Variants in MALRD1 observed in about 807,000 individuals in gnomAD.
MALRD1 encodes MAM and LDL-receptor class A domain-containing protein 1.
MALRD1 carries 247 observed loss-of-function variants against 242.1 expected under a neutral mutation model. The observed-to-expected ratio is 1.02, with a 90% CI of 0.92 to 1.13. The LOEUF (loss-of-function observed/expected upper bound fraction) is 1.13. MALRD1 is among the 50% of genes most tolerant of loss of function. MALRD1 has a pLI of 0.00. For synonymous variants in MALRD1, 995 were observed against 866.6 expected, an observed-to-expected ratio of 1.15 and a Z score of -2.60; for missense variants, 2,989 against 2,533.1, an observed-to-expected ratio of 1.18 and a Z score of -3.86.
intron 18 of MALRD1, among the ~76,000 whole-genome samples, chr10:19,237,766 T>C (rs1172022152): frequency 1.6e-5 from 2 of 123,188 alleles, no homozygotes; most frequent in African/African-American, 3.2e-5. Flanking sequence ...CATAATTATA[T>C]ATAAAAACAT....
intron 26 of MALRD1, among the ~76,000 whole-genome samples, chr10:19,384,822 C>T (rs1846011312): frequency 6.7e-6 from 1 of 150,330 alleles, no homozygotes; most frequent in Non-Finnish European, 1.5e-5. Flanking sequence ...AGTGCCAAGA[C>T]TGGGCATTAA....
At chr10:19,267,403 G>A (rs369438054) in intron 19 of MALRD1, among the ~76,000 whole-genome samples, 49 of 152,086 alleles carry the variant, frequency 3.2e-4, no homozygotes, top group African/African-American at 1.1e-3. Flanking sequence ...TTTTTATGAT[G>A]TCCTCCCCCA....
intron 38 of MALRD1, among the ~76,000 whole-genome samples, chr10:19,719,926 TC>T (rs1244161787): frequency 6.6e-6 from 1 of 152,156 alleles, no homozygotes; most frequent in African/African-American, 2.4e-5. Flanking sequence ...TCTCTCTCTC[TC>T]TTTTTATTAG....
At position 19,573,037 on chromosome 10, in the gene MALRD1, T is replaced by C. The variant is rs780365028; in HGVS notation, c.5680+5334T>C. Among the ~76,000 whole-genome samples, 25 of 152,200 alleles carry C rather than the reference T, an allele frequency of 1.6e-4. 1 individual carries two copies. The highest frequency in any genetic ancestry group is 3.1e-4 in the Non-Finnish European group (21 of 68,030). On this transcript the variant is annotated intron_variant, in intron 33 of 39. Coordinates refer to ENST00000454679, the MANE Select transcript of MALRD1 (RefSeq NM_001142308.3). ...ACTAATACAATTGGGAACATTGAAC[T>C]CTATTTTATAGTCAAGAACTGGGTG...
At chr10:19,455,260 A>T (rs1039389845) in intron 29 of MALRD1, among the ~76,000 whole-genome samples, 1 of 152,242 alleles carries the variant, frequency 6.6e-6, no homozygotes, top group African/African-American at 2.4e-5. Context: ...AGAAAGGGTT[A>T]TCGTATCATT....
At chr10:19,156,462 G>GTTTT (rs36080909) in intron 12 of MALRD1, among the ~76,000 whole-genome samples, 2 of 126,576 alleles carry the variant, frequency 1.6e-5, no homozygotes, top group Admixed American at 7.9e-5. Context: ...GATATAGAGC[G>GTTTT]TTTTTTTTTT....
chr10:19,347,330 TAAAG>T (rs2130980885), intron 24 of MALRD1, among the ~76,000 whole-genome samples: 1 of 152,252 alleles, frequency 6.6e-6, no homozygotes, highest in East Asian at 1.9e-4. Flanking sequence ...TTCTCTAAAA[TAAAG>T]AACTGTTCTA....
At chr10:19,145,742 T>A (rs1833706719) in intron 10 of MALRD1, among the ~76,000 whole-genome samples, 1 of 152,102 alleles carries the variant, frequency 6.6e-6, no homozygotes, top group South Asian at 2.1e-4. Context: ...AGGTATTTTT[T>A]TTTTGAGAAA....
chr10:19,557,093 T>C (rs989011683), intron 32 of MALRD1, among the ~76,000 whole-genome samples: 11 of 152,164 alleles, frequency 7.2e-5, no homozygotes, highest in Admixed American at 3.3e-4. Flanking sequence ...ATAGATTCTT[T>C]AGGGAGGTTT....
intron 39 of MALRD1, among the ~76,000 whole-genome samples, chr10:19,731,477 C>T (rs1835293774): frequency 1.3e-5 from 2 of 149,736 alleles, no homozygotes; most frequent in African/African-American, 5.1e-5. Flanking sequence ...TATCTATCAC[C>T]TCACATAGTT....
intron 18 of MALRD1, among the ~76,000 whole-genome samples, chr10:19,249,897 C>T (rs2131779993): frequency 6.6e-6 from 1 of 151,664 alleles, no homozygotes; most frequent in African/African-American, 2.4e-5. Context: ...TGCTTTAGGT[C>T]TACATCAGTG....
intron 14 of MALRD1, among the ~76,000 whole-genome samples, chr10:19,177,967 T>A (rs10827019): frequency 0.3 from 45,780 of 151,864 alleles, 7,228 homozygotes; most frequent in Admixed American, 0.37. Flanking sequence ...GTCAGGGAAG[T>A]TCAGAGTGAC....
At chr10:19,404,831 A>G (rs939949791) in intron 28 of MALRD1, among the ~76,000 whole-genome samples, 1 of 152,208 alleles carries the variant, frequency 6.6e-6, no homozygotes, top group African/African-American at 2.4e-5. Flanking sequence ...GAATCATTAT[A>G]CATAACAGAG....
chr10:19,188,225 C>T (rs1835820497), intron 14 of MALRD1, among the ~76,000 whole-genome samples: 1 of 152,078 alleles, frequency 6.6e-6, no homozygotes, highest in Non-Finnish European at 1.5e-5. Context: ...TCAATGACCA[C>T]CTGTAACAAG....
At position 19,117,473 on chromosome 10, in the gene MALRD1, T is replaced by C. The variant is rs1240213820; in HGVS notation, c.695-6019T>C. On this transcript the variant is annotated intron_variant, in intron 5 of 39. Transcript: ENST00000454679. ...TTTTTTTTTTGTCTTGTGTAAATAG[T>C]GATGAATTAGAGATAATATACAACA... Among the ~76,000 whole-genome samples, 3 of 151,994 alleles carry C rather than the reference T, an allele frequency of 2.0e-5. No homozygotes were observed. In the East Asian group the frequency reaches 5.8e-4, roughly 29 times the overall value.
At chr10:19,461,342 C>G (rs1028145879) in intron 29 of MALRD1, among the ~76,000 whole-genome samples, 5 of 152,034 alleles carry the variant, frequency 3.3e-5, no homozygotes, top group African/African-American at 1.2e-4. Flanking sequence ...AGAAAGAAAC[C>G]AAGTGTGCTT....
intron 18 of MALRD1, among the ~76,000 whole-genome samples, chr10:19,255,735 A>C (rs1465740432): frequency 6.6e-6 from 1 of 152,058 alleles, no homozygotes; most frequent in Non-Finnish European, 1.5e-5. Flanking sequence ...TATTAGAGCA[A>C]ACCCAACTGT....
intron 36 of MALRD1, among the ~76,000 whole-genome samples, chr10:19,656,920 G>A (rs1026060049): frequency 1.3e-5 from 2 of 152,038 alleles, no homozygotes; most frequent in South Asian, 2.1e-4. Flanking sequence ...GCTATCTATC[G>A]ATCTGGTTTG....
intron 13 of MALRD1, 84 bp from the exon 14 acceptor site, chr10:19,175,124 G>T: frequency 1.0e-6 from 1 of 978,398 alleles, no homozygotes; most frequent in Non-Finnish European, 1.3e-6. Flanking sequence ...GATGTAAATA[G>T]GGTTCCTCTA....
Sources: allele counts gnomAD v4.1 joint callset (sites outside exome capture counted in the v4.1 genomes callset), GRCh38; gene constraint gnomAD v4.1.1; transcripts MANE v1.5; gene names NCBI Gene and HGNC (gene_info 2026-07-23, HGNC 2026-07-21).